Variants in UBE2M observed in about 807,000 individuals in gnomAD.
The protein encoded by UBE2M is ubiquitin conjugating enzyme E2 M.
UBE2M carries 2 observed loss-of-function variants against 23.5 expected under a neutral mutation model. The observed-to-expected ratio is 0.09, with a 90% CI of 0.03 to 0.27. The LOEUF is 0.27. Ranked by LOEUF, UBE2M falls within the 10% of genes least tolerant of loss-of-function variation. UBE2M has a pLI of 1.00. For synonymous variants in UBE2M, 97 were observed against 95.2 expected, an observed-to-expected ratio of 1.02 and a Z score of -0.11; for missense variants, 103 against 232.9, an observed-to-expected ratio of 0.44 and a Z score of 3.63.
In UBE2M at chr19:58,556,503, G is replaced by A; in HGVS notation, c.348-124C>T. The A allele has an allele frequency of 1.7e-6, 2 of 1,173,146 alleles. No individual in the cohort carries two copies. Among genetic ancestry groups the A allele is most frequent in the South Asian group, 1.4e-5 (1 of 73,662 alleles). The allele number at this position is 1,173,146 out of a possible 1,614,324, so 72.7% of individuals were successfully genotyped here. On this transcript the variant is annotated intron_variant, in intron 4 of 5. Coordinates refer to ENST00000253023, the MANE Select transcript of UBE2M (RefSeq NM_003969.4). The surrounding 1 kb of genome is among the most constrained non-coding windows in gnomAD (Gnocchi z 4.9). Reference sequence around the variant, plus strand: ...AGCATGTGAGAGGCTGGGAGGGAGGGTGTGGAGCAGGACAGGCCAAGGAGA... The same window carrying A: ...AGCATGTGAGAGGCTGGGAGGGAGGATGTGGAGCAGGACAGGCCAAGGAGA...
Position 58,556,985 on chromosome 19 carries a change from T to C in UBE2M, c.205-55A>G. The C allele has an allele frequency of 1.2e-6, 2 of 1,613,820 alleles. No homozygotes were observed. Among genetic ancestry groups the C allele is most frequent in the African/African-American group, 1.3e-5 (1 of 75,002 alleles). On this transcript the variant is annotated intron_variant, in intron 2 of 5. Coordinates refer to ENST00000253023, the MANE Select transcript of UBE2M (RefSeq NM_003969.4). The surrounding 1 kb of genome is among the most constrained non-coding windows in gnomAD (Gnocchi z 4.9). ...TAGGGTTCCATCCTGTGGGGCCCGA[T>C]GGGCAGAACATGTCTCCCTCCTCTC...
intron 2 of UBE2M, 48 bp downstream of exon 2, chr19:58,557,015 G>T (rs1219421860): frequency 2.5e-6 from 4 of 1,613,598 alleles, no homozygotes; most frequent in Middle Eastern, 1.6e-4. Context: ...CCTCTCAGTG[G>T]GGACACCCTT....
intron 1 of UBE2M, among the ~76,000 whole-genome samples, 153 bp from the exon 2 acceptor site, chr19:58,557,310 C>T (rs1411016275): frequency 6.6e-6 from 1 of 151,956 alleles, no homozygotes; most frequent in African/African-American, 2.4e-5. Context: ...CTGTGCTCCA[C>T]ACCTCCAGCC....
At position 58,555,858 on chromosome 19, in the gene UBE2M, A is replaced by C; in HGVS notation, c.*231T>G. On this transcript the variant is annotated 3_prime_UTR_variant, in exon 6 of 6. Coordinates refer to ENST00000253023, the MANE Select transcript of UBE2M (RefSeq NM_003969.4). ...AAGCACCCAGCAGGGGGGCTAGACA[A>C]GCCAATTCATTTCCCATCGCTGAGT... 3 of 590,194 alleles carry C rather than the reference A, an allele frequency of 5.1e-6. No homozygotes were observed. The highest frequency in any genetic ancestry group is 5.9e-6 in the Non-Finnish European group (2 of 337,950). The allele number at this position is 590,194 out of a possible 1,614,324, so 36.6% of individuals were successfully genotyped here.
chr19:58,557,236 G>C (rs552670403), intron 1 of UBE2M, 79 bp from the exon 2 acceptor site: 1 of 1,456,876 alleles, frequency 6.9e-7, no homozygotes, highest in African/African-American at 1.4e-5. Flanking sequence ...AGGACACTTA[G>C]GGCGGGTGTT....
At position 58,556,436 on chromosome 19, in the gene UBE2M, C is replaced by A; in HGVS notation, c.348-57G>T. On this transcript the variant is annotated intron_variant, in intron 4 of 5. Coordinates refer to ENST00000253023, the MANE Select transcript of UBE2M (RefSeq NM_003969.4). This position sits in a 1 kb window ranked among gnomAD's most constrained non-coding sequence, Gnocchi z 4.9. ...GGTGAGTGGGAGACTGCCACAGGCC[C>A]CTCTGGTGTTGGGCAGGTCAGATCC... is the stretch of plus-strand genomic sequence containing the variant. 1 of 1,580,482 alleles carries A rather than the reference C, an allele frequency of 6.3e-7. No individual in the cohort carries two copies. The highest frequency in any genetic ancestry group is 1.1e-5 in the South Asian group (1 of 90,130).
chr19:58,556,614 T>A lies in UBE2M; in HGVS notation c.347+73A>T, dbSNP rs2053892322. The A allele has an allele frequency of 1.3e-5, 17 of 1,300,120 alleles. No homozygotes were observed. Among genetic ancestry groups the A allele is most frequent in the Non-Finnish European group, 1.8e-5 (17 of 941,130 alleles). The allele number at this position is 1,300,120 out of a possible 1,614,324, so 80.5% of individuals were successfully genotyped here. ...GGGTGGGAAGGGACAGAGTCTGATGTAGTGCCCACAAGACCATGAGGGAGG... is the reference window on the plus strand; with the variant it reads ...GGGTGGGAAGGGACAGAGTCTGATGAAGTGCCCACAAGACCATGAGGGAGG... On this transcript the variant is annotated intron_variant, in intron 4 of 5. Coordinates refer to ENST00000253023, the MANE Select transcript of UBE2M (RefSeq NM_003969.4). This position sits in a 1 kb window ranked among gnomAD's most constrained non-coding sequence, Gnocchi z 4.9.
intron 2 of UBE2M, 32 bp downstream of exon 2, chr19:58,557,031 G>C: frequency 6.2e-7 from 1 of 1,613,876 alleles, no homozygotes; most frequent in Non-Finnish European, 8.5e-7. Flanking sequence ...CCCTTGGTTT[G>C]CTCCTGGGAA....
At position 58,556,251 on chromosome 19, in the gene UBE2M, G is replaced by A. The variant is rs2053889830; in HGVS notation, c.412-22C>T. On this transcript the variant is annotated intron_variant, in intron 5 of 5. Coordinates refer to ENST00000253023, the MANE Select transcript of UBE2M (RefSeq NM_003969.4). The surrounding 1 kb of genome is among the most constrained non-coding windows in gnomAD (Gnocchi z 4.9). ...GCTCCTGTGGCCAGTACAGGTAGGGGGGGTCAACAGGCCAGAGGGACAGAA... is the reference window on the plus strand; with the variant it reads ...GCTCCTGTGGCCAGTACAGGTAGGGAGGGTCAACAGGCCAGAGGGACAGAA... The A allele has an allele frequency of 5.0e-6, 8 of 1,613,836 alleles. No individual in the cohort carries two copies. The highest frequency in any genetic ancestry group is 1.3e-5 in the African/African-American group (1 of 74,918).
rs144110922 is a variant in UBE2M at position 58,556,999 on chromosome 19, C to G, written c.204+64G>C. ...GTGGGGCCCGATGGGCAGAACATGT[C>G]TCCCTCCTCTCAGTGGGGACACCCT... is the stretch of plus-strand genomic sequence containing the variant. On this transcript the variant is annotated intron_variant, in intron 2 of 5. Coordinates refer to ENST00000253023, the MANE Select transcript of UBE2M (RefSeq NM_003969.4). The surrounding 1 kb of genome is among the most constrained non-coding windows in gnomAD (Gnocchi z 4.9). The G allele has an allele frequency of 1.7e-4, 273 of 1,613,688 alleles. 1 individual carries two copies. The African/African-American group carries it at 3.3e-3, about 20-fold the overall frequency.
At position 58,555,880 on chromosome 19, in the gene UBE2M, GAGT is replaced by G. The variant is rs763349021; in HGVS notation, c.*206_*208del. 1.6e-6 allele frequency: 1 copy of G among 631,050 alleles called. No homozygotes were observed. 39.1% of individuals were successfully genotyped at this position (631,050 alleles called of 1,614,324 possible). On this transcript the variant is annotated 3_prime_UTR_variant, in exon 6 of 6. Transcript: ENST00000253023. ...ACAAGCCAATTCATTTCCCATCGCT[GAGT>G]GGGTCGGGGGAGGCAGCGCCGACCT...
In UBE2M at chr19:58,556,437, C is replaced by G; in HGVS notation, c.348-58G>C. 1 of 1,575,340 alleles carries G rather than the reference C, an allele frequency of 6.3e-7. No individual in the cohort carries two copies. Among genetic ancestry groups the G allele is most frequent in the Non-Finnish European group, 8.7e-7 (1 of 1,148,388 alleles). On this transcript the variant is annotated intron_variant, in intron 4 of 5. Coordinates refer to ENST00000253023, the MANE Select transcript of UBE2M (RefSeq NM_003969.4). This position sits in a 1 kb window ranked among gnomAD's most constrained non-coding sequence, Gnocchi z 4.9. ...GTGAGTGGGAGACTGCCACAGGCCC[C>G]TCTGGTGTTGGGCAGGTCAGATCCA...
At position 58,558,195 on chromosome 19, in the gene UBE2M, C is replaced by T. The variant is rs747233666; in HGVS notation, c.109+78G>A. On this transcript the variant is annotated intron_variant, in intron 1 of 5. Coordinates refer to ENST00000253023, the MANE Select transcript of UBE2M (RefSeq NM_003969.4). The surrounding 1 kb of genome is among the most constrained non-coding windows in gnomAD (Gnocchi z 4.7). ...CTGACCCTCAGCAACCGCATTACCC[C>T]TTCCTGACTCCCACATCACCCTGCC... The T allele has an allele frequency of 1.5e-5, 20 of 1,292,070 alleles. No homozygotes were observed. Among genetic ancestry groups the T allele is most frequent in the East Asian group, 3.0e-5 (1 of 33,528 alleles). 80.0% of individuals were successfully genotyped at this position (1,292,070 alleles called of 1,614,324 possible).
At position 58,558,244 on chromosome 19, in the gene UBE2M, G is replaced by A. The variant is rs529590203; in HGVS notation, c.109+29C>T. 860 of 1,586,208 alleles carry A rather than the reference G, an allele frequency of 5.4e-4. 18 individuals are homozygous for A. The South Asian group carries it at 9.2e-3, about 17-fold the overall frequency. On this transcript the variant is annotated intron_variant, in intron 1 of 5. Coordinates refer to ENST00000253023, the MANE Select transcript of UBE2M (RefSeq NM_003969.4). This position sits in a 1 kb window ranked among gnomAD's most constrained non-coding sequence, Gnocchi z 4.7. Reference sequence around the variant, plus strand: ...CCTCAGGCCCTGACCTCCGACCTCCGGCTCCAACCCCATCCCCTGACCCCC... The same window carrying A: ...CCTCAGGCCCTGACCTCCGACCTCCAGCTCCAACCCCATCCCCTGACCCCC...
At chr19:58,557,976 T>A (rs993370203) in intron 1 of UBE2M, among the ~76,000 whole-genome samples, 1 of 151,846 alleles carries the variant, frequency 6.6e-6, no homozygotes, top group Non-Finnish European at 1.5e-5. Flanking sequence ...ACCCCCAGAC[T>A]CTCGAGTCGT....
At chr19:58,557,734 C>T (rs1246503877) in intron 1 of UBE2M, among the ~76,000 whole-genome samples, 2 of 151,454 alleles carry the variant, frequency 1.3e-5, no homozygotes, top group East Asian at 3.9e-4. Flanking sequence ...GTCTCCAATC[C>T]CTGGTACTCA....
At chr19:58,557,287 C>T (rs776703283) in intron 1 of UBE2M, 130 bp from the exon 2 acceptor site, 35 of 902,260 alleles carry the variant, frequency 3.9e-5, no homozygotes, top group Non-Finnish European at 3.4e-5. Context: ...GACCCCCAGG[C>T]GCCTCTCCTG....
rs200490506 is a variant in UBE2M at position 58,556,773 on chromosome 19, C to G, written c.261G>C (p.Pro87=). The G allele has an allele frequency of 6.3e-7, 1 of 1,583,072 alleles. No individual in the cohort carries two copies. Among genetic ancestry groups the G allele is most frequent in the Non-Finnish European group, 8.6e-7 (1 of 1,165,802 alleles). The part of the protein sequence containing the change: ...VFSFKVGQGY[P]HDPPKVKCET... The stretch of plus-strand genomic sequence containing the variant: ...CACACTTCACCTTGGGGGGATCATG[C>G]GGGTAACCCTGGCCCACCTGGCTCC... The change falls in exon 4 of 6, where the codon CCG becomes CCC. Residue 87 remains proline (P), a synonymous_variant. Transcript: ENST00000253023. This position sits in a 1 kb window ranked among gnomAD's most constrained non-coding sequence, Gnocchi z 4.9.
chr19:58,558,351 TCTG>T lies in UBE2M; in HGVS notation c.28_30del (p.Gln10del), dbSNP rs752757807. ...CCGCCCGCCGACTCCTCCTCCTTCT[TCTG>T]CTGCTTCAGCGAGAACAGCTTGATC... On this transcript the variant is annotated inframe_deletion, in exon 1 of 6. Transcript: ENST00000253023. This position sits in a 1 kb window ranked among gnomAD's most constrained non-coding sequence, Gnocchi z 4.7. 1.3e-6 allele frequency: 2 copies of T among 1,584,790 alleles called. No individual in the cohort carries two copies. The highest frequency in any genetic ancestry group is 8.6e-7 in the Non-Finnish European group (1 of 1,167,032).
Sources: gnomAD v4.1 joint callset for allele counts (sites outside exome capture counted in the v4.1 genomes callset) on GRCh38, gnomAD v4.1.1 for gene constraint, Gnocchi (gnomAD v3.1) non-coding constraint, MANE v1.5 for transcripts, NCBI Gene and HGNC (gene_info 2026-07-23, HGNC 2026-07-21) for gene names.